PHACTR1: variants seen among roughly 807,000 people sequenced by gnomAD.
PHACTR1 encodes RPEL repeat containing 1.
In PHACTR1, 16 loss-of-function variants were observed where a neutral mutation model predicts 69.2. That is an observed-to-expected ratio of 0.23 (90% CI 0.16 to 0.35). The LOEUF (loss-of-function observed/expected upper bound fraction) is 0.35, where lower values mean the gene tolerates loss of function less well. Ranked by LOEUF, PHACTR1 falls within the 10% of genes least tolerant of loss-of-function variation. PHACTR1 has a pLI of 1.00. For synonymous variants in PHACTR1, 312 were observed against 284.5 expected, an observed-to-expected ratio of 1.10 and a Z score of -0.97; for missense variants, 510 against 734.7, an observed-to-expected ratio of 0.69 and a Z score of 3.54.
At chr6:12,801,001 A>C (rs944972775) in intron 4 of PHACTR1, among the ~76,000 whole-genome samples, 12 of 152,236 alleles carry the variant, frequency 7.9e-5, no homozygotes, top group African/African-American at 2.7e-4. Context: ...TTTAAATAAC[A>C]TGAAGTTATT....
intron 5 of PHACTR1, among the ~76,000 whole-genome samples, chr6:13,130,594 C>T (rs1042895976): frequency 6.6e-6 from 1 of 152,046 alleles, no homozygotes; most frequent in African/African-American, 2.4e-5. Flanking sequence ...ATACAACCCT[C>T]CCAGATTAAA....
At chr6:13,066,823 G>A (rs1808724907) in intron 5 of PHACTR1, among the ~76,000 whole-genome samples, 2 of 152,124 alleles carry the variant, frequency 1.3e-5, no homozygotes, top group African/African-American at 4.8e-5. Flanking sequence ...CCAGCAGGGA[G>A]CTGAGGGCCC....
chr6:13,069,149 A>G (rs114931793), intron 5 of PHACTR1, among the ~76,000 whole-genome samples: 3,881 of 152,232 alleles, frequency 0.025, 154 homozygotes, highest in African/African-American at 0.085. Flanking sequence ...GAAACAGAGG[A>G]ACACTAACAT....
At chr6:12,778,312 T>A (rs1202155916) in intron 4 of PHACTR1, among the ~76,000 whole-genome samples, 1 of 152,166 alleles carries the variant, frequency 6.6e-6, no homozygotes, top group East Asian at 1.9e-4. Context: ...ACTAATTTAA[T>A]GTGGCAGAAG....
chr6:12,955,567 C>T (rs997532440), intron 4 of PHACTR1, among the ~76,000 whole-genome samples: 11 of 152,078 alleles, frequency 7.2e-5, no homozygotes, highest in African/African-American at 2.7e-4. Context: ...GGACTATGTA[C>T]AGGCCAAGGG....
rs1774611454 is a variant in PHACTR1, at chr6:12,808,490, G to A, written c.250+58700G>A. Among the ~76,000 whole-genome samples the A allele has an allele frequency of 2.6e-5, 4 of 152,196 alleles. No homozygotes were observed. In the East Asian group the frequency reaches 7.7e-4, roughly 29 times the overall value. On this transcript the variant is annotated intron_variant, in intron 4 of 14. Transcript: ENST00000332995. ...TTTTATGGAATTGGGGTAATTAAAAGAGTAAAAATTAGAACCCATCATAAT... is the reference window on the plus strand; with the variant it reads ...TTTTATGGAATTGGGGTAATTAAAAAAGTAAAAATTAGAACCCATCATAAT...
At chr6:13,147,095 G>A (rs1357271915) in intron 5 of PHACTR1, among the ~76,000 whole-genome samples, 1 of 152,214 alleles carries the variant, frequency 6.6e-6, no homozygotes. Flanking sequence ...AAAGGACAAA[G>A]TGAAGGTTGT....
At chr6:12,744,243 C>A (rs1765480803) in intron 3 of PHACTR1, among the ~76,000 whole-genome samples, 1 of 152,228 alleles carries the variant, frequency 6.6e-6, no homozygotes, top group Non-Finnish European at 1.5e-5. Flanking sequence ...CCACGCCATT[C>A]CCATCAAAGC....
intron 8 of PHACTR1, among the ~76,000 whole-genome samples, chr6:13,222,518 A>G (rs1172790767): frequency 1.3e-5 from 2 of 152,348 alleles, no homozygotes; most frequent in East Asian, 3.9e-4. Context: ...AGGAACTCAC[A>G]TGAGAGGATC....
intron 4 of PHACTR1, among the ~76,000 whole-genome samples, chr6:13,014,849 G>A (rs1799936589): frequency 6.6e-6 from 1 of 152,228 alleles, no homozygotes; most frequent in South Asian, 2.1e-4. Flanking sequence ...GCGACTCTGG[G>A]CAGGAGGAGC....
intron 5 of PHACTR1, 39 bp downstream of exon 5, chr6:13,053,568 G>C: frequency 1.3e-6 from 2 of 1,595,056 alleles, no homozygotes; most frequent in Non-Finnish European, 8.6e-7. Context: ...TTTGGTGTTT[G>C]TTGCCTTCAA....
intron 5 of PHACTR1, among the ~76,000 whole-genome samples, chr6:13,104,785 T>G (rs1815810018): frequency 6.6e-6 from 1 of 152,232 alleles, no homozygotes; most frequent in African/African-American, 2.4e-5. Flanking sequence ...CTTATCTTTT[T>G]TATTCCACTA....
chr6:13,255,825 A>G (rs1361990984), intron 10 of PHACTR1, among the ~76,000 whole-genome samples: 1 of 151,912 alleles, frequency 6.6e-6, no homozygotes, highest in Non-Finnish European at 1.5e-5. Context: ...AGCTGCTCTC[A>G]TGGACTGATG....
intron 4 of PHACTR1, among the ~76,000 whole-genome samples, chr6:13,004,163 A>G (rs1798498653): frequency 6.6e-6 from 1 of 151,576 alleles, no homozygotes; most frequent in Non-Finnish European, 1.5e-5. Context: ...ATTGAATGGT[A>G]GATCTATTTT....
chr6:12,933,874 G>A (rs778424451), intron 4 of PHACTR1: 8 of 1,612,516 alleles, frequency 5.0e-6, no homozygotes, highest in South Asian at 2.2e-5. Flanking sequence ...TGCCTTTAGA[G>A]GGGGAAGAGT....
rs1784013444 is a variant in PHACTR1 at position 12,889,912 on chromosome 6, C to T, written c.250+140122C>T. On this transcript the variant is annotated intron_variant, in intron 4 of 14. Coordinates refer to ENST00000332995, the MANE Select transcript of PHACTR1 (RefSeq NM_030948.6). ...TGGGAAACCACATCCTGGCAGTTTA[C>T]CTTCACTGCTACTACCTGGTCCAGG... Among the ~76,000 whole-genome samples, 3 of 151,280 alleles carry T rather than the reference C, an allele frequency of 2.0e-5. No individual in the cohort carries two copies. In the South Asian group the frequency reaches 6.3e-4, roughly 32 times the overall value.
chr6:13,246,204 G>A lies in PHACTR1; in HGVS notation c.1391+16011G>A, dbSNP rs561000519. Among the ~76,000 whole-genome samples, 6 of 152,268 alleles carry A rather than the reference G, an allele frequency of 3.9e-5. No individual in the cohort carries two copies. The highest frequency in any genetic ancestry group is 3.9e-4 in the East Asian group (2 of 5,186). On this transcript the variant is annotated intron_variant, in intron 10 of 14. Transcript: ENST00000332995. This position sits in a 1 kb window ranked among gnomAD's most constrained non-coding sequence, Gnocchi z 4.2. ...CAACCATAACAACTCATATATCTTC[G>A]TTGATTTTCTCAAAAGAAAAATAAA... is the stretch of plus-strand genomic sequence containing the variant.
intron 8 of PHACTR1, among the ~76,000 whole-genome samples, chr6:13,210,174 A>AT (rs886869841): frequency 6.6e-6 from 1 of 151,280 alleles, no homozygotes; most frequent in Non-Finnish European, 1.5e-5. Flanking sequence ...TGCCCAGTTA[A>AT]TTTTTTTTTA....
At chr6:13,196,942 A>T (rs1764520198) in intron 7 of PHACTR1, among the ~76,000 whole-genome samples, 1 of 152,110 alleles carries the variant, frequency 6.6e-6, no homozygotes, top group Non-Finnish European at 1.5e-5. Flanking sequence ...CACATATTAA[A>T]CACTCTCTGT....
Sources: allele counts gnomAD v4.1 joint callset (sites outside exome capture counted in the v4.1 genomes callset), GRCh38; gene constraint gnomAD v4.1.1; non-coding constraint Gnocchi (gnomAD v3.1); transcripts MANE v1.5; gene names NCBI Gene and HGNC (gene_info 2026-07-23, HGNC 2026-07-21).